The following TEX11 variants were observed in gnomAD, a reference collection of about 807,000 sequenced individuals.
TEX11 encodes testis expressed 11.
TEX11 carries 7 observed loss-of-function variants against 84.4 expected under a neutral mutation model. That is an observed-to-expected ratio of 0.08 (90% CI 0.05 to 0.16). The LOEUF is 0.16. TEX11 is among the 10% of genes least tolerant of loss of function. The pLI is 1.00. For missense variants in TEX11, 551 were observed against 660.5 expected, an observed-to-expected ratio of 0.83 and a Z score of 1.82; for synonymous variants, 264 against 222.8, an observed-to-expected ratio of 1.18 and a Z score of -1.64.
intron 15 of TEX11, chrX:70,673,595 G>T (rs1603210643): frequency 2.0e-5 from 2 of 101,382 alleles, no homozygotes. Context: ...TTTAATTTTT[G>T]TATAAAATGT....
intron 17 of TEX11, among the ~76,000 whole-genome samples, chrX:70,649,661 C>A: frequency 8.9e-6 from 1 of 111,976 alleles, no homozygotes; most frequent in Middle Eastern, 4.6e-3. Context: ...GTAGTCCCAG[C>A]TATTCAGGAG....
At chrX:70,715,218 A>C (rs775751868) in intron 13 of TEX11, among the ~76,000 whole-genome samples, 1,035 of 102,149 alleles carry the variant, frequency 0.01, 46 homozygotes, top group African/African-American at 0.038. Context: ...CTCTGGCTTC[A>C]CTTAACATTT....
At chrX:70,710,732 T>C (rs1479472859) in intron 13 of TEX11, among the ~76,000 whole-genome samples, 1 of 110,678 alleles carries the variant, frequency 9.0e-6, no homozygotes, top group Non-Finnish European at 1.9e-5. Context: ...CATATACACA[T>C]TAAAGTTTGA....
At chrX:70,587,725 G>C (rs2088872942) in intron 25 of TEX11, among the ~76,000 whole-genome samples, 2 of 111,735 alleles carry the variant, frequency 1.8e-5, no homozygotes, top group African/African-American at 6.5e-5. Context: ...GTAAGAAGAG[G>C]GCCACCATCC....
intron 2 of TEX11, among the ~76,000 whole-genome samples, chrX:70,899,160 C>CTAAAAGCCAATTAGAAGA (rs2091789434): frequency 8.9e-6 from 1 of 111,857 alleles, no homozygotes; most frequent in Non-Finnish European, 1.9e-5. Flanking sequence ...AGCCAATTAT[C>CTAAAAGCCAATTAGAAGA]TTGACTGAGT....
chrX:70,879,295 T>A (rs1345997244), intron 3 of TEX11, among the ~76,000 whole-genome samples: 1 of 111,311 alleles, frequency 9.0e-6, no homozygotes, highest in East Asian at 2.8e-4. Flanking sequence ...GCATGGTATG[T>A]AAATTATATC....
At chrX:70,747,073 G>T (rs747936372) in intron 9 of TEX11, among the ~76,000 whole-genome samples, 10 of 111,961 alleles carry the variant, frequency 8.9e-5, no homozygotes, top group Admixed American at 2.8e-4. Context: ...ACCTCATACT[G>T]AGGGATCTGG....
chrX:70,567,943 C>G (rs989403931), intron 25 of TEX11, among the ~76,000 whole-genome samples: 2 of 111,232 alleles, frequency 1.8e-5, no homozygotes. Flanking sequence ...GAGCTGAGTT[C>G]AATTCCTGGG....
intron 11 of TEX11, among the ~76,000 whole-genome samples, chrX:70,736,343 C>G (rs1033212696): frequency 2.7e-5 from 3 of 110,944 alleles, no homozygotes; most frequent in Non-Finnish European, 5.7e-5. Context: ...ATACCTTCTA[C>G]TAATTACAAC....
At chrX:70,637,908 C>G (rs374817448) in intron 17 of TEX11, among the ~76,000 whole-genome samples, 5 of 108,422 alleles carry the variant, frequency 4.6e-5, no homozygotes, top group Admixed American at 4.1e-4. Flanking sequence ...TGCACATGTC[C>G]CCCTGAACTT....
intron 9 of TEX11, among the ~76,000 whole-genome samples, chrX:70,778,199 A>G (rs1342029330): frequency 1.8e-5 from 2 of 112,103 alleles, no homozygotes; most frequent in Admixed American, 1.9e-4. Context: ...AGAGGATATA[A>G]CAGTTGTAAA....
chrX:70,518,433 TTGAG>T, the TEX11 span, among the ~76,000 whole-genome samples: 41 of 112,293 alleles, frequency 3.7e-4, no homozygotes, highest in African/African-American at 1.1e-3. Context: ...TTGTGTAGTT[TTGAG>T]TGAGTTTCTT....
At chrX:70,879,329 A>G (rs926567425) in intron 3 of TEX11, among the ~76,000 whole-genome samples, 1 of 111,381 alleles carries the variant, frequency 9.0e-6, no homozygotes, top group African/African-American at 3.3e-5. Context: ...TTATATATAC[A>G]TAAACACATA....
intron 3 of TEX11, among the ~76,000 whole-genome samples, chrX:70,876,335 C>T (rs1234688648): frequency 1.8e-5 from 2 of 111,440 alleles, no homozygotes; most frequent in African/African-American, 6.5e-5. Flanking sequence ...TTTTTTTAAA[C>T]TTTCTGTGAA....
At chrX:70,879,886 G>T in intron 3 of TEX11, 102 bp downstream of exon 3, 1 of 668,608 alleles carries the variant, frequency 1.5e-6, no homozygotes, top group Non-Finnish European at 2.1e-6. Context: ...TATATGTTTA[G>T]CAATGGTTAA....
chrX:70,739,416 T>C (rs1426833649), intron 11 of TEX11, among the ~76,000 whole-genome samples: 1 of 101,671 alleles, frequency 9.8e-6, no homozygotes, highest in African/African-American at 3.6e-5. Flanking sequence ...TTCATTTCTT[T>C]TTTTTTTTTT....
In TEX11 at chrX:70,750,446, T is replaced by C. The variant is rs762735867; in HGVS notation, c.693-6227A>G. Among the ~76,000 whole-genome samples, 5 of 111,621 alleles carry C rather than the reference T, an allele frequency of 4.5e-5. No homozygotes were observed. In the South Asian group the frequency reaches 1.1e-3, roughly 25 times the overall value. On this transcript the variant is annotated intron_variant, in intron 9 of 29. Coordinates refer to ENST00000374333, the MANE Select transcript of TEX11 (RefSeq NM_031276.3). ...GGGTATATAGCCAAAGGACTATAAA[T>C]CATGCTGCTATAAAGACACGCATAC...
At chrX:70,581,452 C>G (rs887068278) in intron 25 of TEX11, among the ~76,000 whole-genome samples, 1 of 109,315 alleles carries the variant, frequency 9.1e-6, no homozygotes, top group African/African-American at 3.3e-5. Flanking sequence ...GCATGTACCA[C>G]CACACCCGGC....
intron 20 of TEX11, among the ~76,000 whole-genome samples, chrX:70,620,185 G>T: frequency 9.0e-6 from 1 of 110,790 alleles, no homozygotes; most frequent in Middle Eastern, 4.8e-3. Context: ...GTGGTCAAAC[G>T]CCAGGGATCT....
Sources: allele counts gnomAD v4.1 joint callset (sites outside exome capture counted in the v4.1 genomes callset), GRCh38; gene constraint gnomAD v4.1.1; transcripts MANE v1.5; gene names NCBI Gene and HGNC (gene_info 2026-07-23, HGNC 2026-07-21).